The following OR10Z1 variants were observed in gnomAD, a reference collection of about 807,000 sequenced individuals.
The protein encoded by OR10Z1 is olfactory receptor 10Z1.
For missense variants in OR10Z1, 468 were observed against 371.0 expected, an observed-to-expected ratio of 1.26 and a Z score of -2.15; for synonymous variants, 187 against 151.2, an observed-to-expected ratio of 1.24 and a Z score of -1.74.
In OR10Z1 at chr1:158,612,507, C is replaced by T. The variant is rs527499010; in HGVS notation, c.*5127C>T. On this transcript the variant is annotated 3_prime_UTR_variant, in exon 2 of 2. Coordinates refer to ENST00000641002, the MANE Select transcript of OR10Z1 (RefSeq NM_001004478.2). ...GTGTCTTACTAAAGTTTGCACTCCT[C>T]ATGCCTGGAACATAGTAAGCATTCA... 6 of 379,100 alleles carry T rather than the reference C, an allele frequency of 1.6e-5. No homozygotes were observed. The highest frequency in any genetic ancestry group is 1.3e-4 in the South Asian group (6 of 45,124). 23.5% of individuals were successfully genotyped at this position (379,100 alleles called of 1,614,324 possible). A position where few individuals can be genotyped will look rare whatever the true frequency, so the allele number is the denominator to read the frequency against.
rs1243424469 is a variant in OR10Z1 at position 158,607,015 on chromosome 1, G to T, written c.577G>T (p.Gly193Cys). 1 of 1,614,032 alleles carries T rather than the reference G, an allele frequency of 6.2e-7. No homozygotes were observed. Among genetic ancestry groups the T allele is most frequent in the East Asian group, 2.2e-5 (1 of 44,868 alleles). The change falls in exon 2 of 2, where the codon GGC becomes TGC. Residue 193 changes from glycine (G) to cysteine (C), a missense_variant. Gly to Cys is a radical substitution (Grantham distance 159). Transcript: ENST00000641002. ...PVLSLACGDT[G>C]PSELRIFILS... Reference sequence around the variant, plus strand: ...GCTGAGCCTAGCCTGTGGAGATACAGGCCCGAGTGAGCTGAGGATCTTTAT... The same window carrying T: ...GCTGAGCCTAGCCTGTGGAGATACATGCCCGAGTGAGCTGAGGATCTTTAT...
At position 158,607,633 on chromosome 1, in the gene OR10Z1, C is replaced by A. The variant is rs1649094473; in HGVS notation, c.*253C>A. The A allele has an allele frequency of 2.6e-6, 1 of 387,262 alleles. No homozygotes were observed. Among genetic ancestry groups the A allele is most frequent in the Non-Finnish European group, 4.6e-6 (1 of 217,272 alleles). The allele number at this position is 387,262 out of a possible 1,614,324, so 24.0% of individuals were successfully genotyped here. ...TTAACTTTCAGCCTCCTAGATGCCA[C>A]CCCTAGTTACTGAAACCCATTGAGA... On this transcript the variant is annotated 3_prime_UTR_variant, in exon 2 of 2. Transcript: ENST00000641002.
In OR10Z1 at chr1:158,612,476, G is replaced by C. The variant is rs1274632549; in HGVS notation, c.*5096G>C. ...GTCTTCCCCACTACACCTGAATTTA[G>C]GGACTGTGTCTTACTAAAGTTTGCA... is the stretch of plus-strand genomic sequence containing the variant. On this transcript the variant is annotated 3_prime_UTR_variant, in exon 2 of 2. Coordinates refer to ENST00000641002, the MANE Select transcript of OR10Z1 (RefSeq NM_001004478.2). The C allele has an allele frequency of 3.0e-6, 1 of 335,130 alleles. No individual in the cohort carries two copies. Among genetic ancestry groups the C allele is most frequent in the Non-Finnish European group, 5.7e-6 (1 of 174,708 alleles). The allele number at this position is 335,130 out of a possible 1,614,324, so 20.8% of individuals were successfully genotyped here.
rs578123122 is a variant in OR10Z1 at position 158,607,552 on chromosome 1, G to A, written c.*172G>A. 1.9e-3 allele frequency: 1,061 copies of A among 562,472 alleles called. 7 individuals carry two copies. The highest frequency in any genetic ancestry group is 1.6e-3 in the Non-Finnish European group (516 of 320,852). The allele number at this position is 562,472 out of a possible 1,614,324, so 34.8% of individuals were successfully genotyped here. On this transcript the variant is annotated 3_prime_UTR_variant, in exon 2 of 2. Coordinates refer to ENST00000641002, the MANE Select transcript of OR10Z1 (RefSeq NM_001004478.2). ...CCCTGACTGCTTGGAATGCAGAGGC[G>A]GGGCTTCCTGCTCTGCTCACTGTGC... is the stretch of plus-strand genomic sequence containing the variant.
Position 158,606,960 on chromosome 1 carries a change from C to A in OR10Z1, c.522C>A (p.Ile174=). The part of the protein sequence containing the change: ...FHLSFCSSHE[I]QHFFCDTPPV... ...TCTCATTCTGCAGCTCCCATGAAATCCAGCACTTTTTTTGTGACACGCCAC... is the reference window on the plus strand; with the variant it reads ...TCTCATTCTGCAGCTCCCATGAAATACAGCACTTTTTTTGTGACACGCCAC... Residue 174 remains isoleucine, a synonymous_variant, in exon 2 of 2, where the codon ATC becomes ATA. Coordinates refer to ENST00000641002, the MANE Select transcript of OR10Z1 (RefSeq NM_001004478.2). The A allele has an allele frequency of 1.2e-6, 2 of 1,614,078 alleles. No homozygotes were observed. Among genetic ancestry groups the A allele is most frequent in the Non-Finnish European group, 1.7e-6 (2 of 1,179,982 alleles).
rs879208333 is a variant in OR10Z1 at position 158,611,131 on chromosome 1, G to GCGCACACACACACA, written c.*3752_*3753insGCACACACACACAC. The GCGCACACACACACA allele has an allele frequency of 1.6e-5, 11 of 671,434 alleles. No individual in the cohort carries two copies. The highest frequency in any genetic ancestry group is 5.6e-5 in the African/African-American group (3 of 53,516). The allele number at this position is 671,434 out of a possible 1,614,324, so 41.6% of individuals were successfully genotyped here. On this transcript the variant is annotated 3_prime_UTR_variant, in exon 2 of 2. Coordinates refer to ENST00000641002, the MANE Select transcript of OR10Z1 (RefSeq NM_001004478.2). ...AAATGTAATATGCACACAAACACAAGCACACACACACACACACACACACAC... is the reference window on the plus strand; with the variant it reads ...AAATGTAATATGCACACAAACACAAGCGCACACACACACACACACACACACACACACACACACAC...
rs1219363787 is a variant in OR10Z1 at position 158,610,599 on chromosome 1, G to A, written c.*3219G>A. On this transcript the variant is annotated 3_prime_UTR_variant, in exon 2 of 2. Coordinates refer to ENST00000641002, the MANE Select transcript of OR10Z1 (RefSeq NM_001004478.2). ...ATGCTGGAATTTTGTCTTTCTGAGA[G>A]TAATAACATCTACAATAATTTTGAA... is the stretch of plus-strand genomic sequence containing the variant. The A allele has an allele frequency of 1.3e-5, 2 of 151,984 alleles. No individual in the cohort carries two copies. The highest frequency in any genetic ancestry group is 2.4e-5 in the African/African-American group (1 of 41,400). The allele number at this position is 151,984 out of a possible 1,614,324, so 9.4% of individuals were successfully genotyped here. A position where few individuals can be genotyped will look rare whatever the true frequency, so the allele number is the denominator to read the frequency against.
rs1649206712 is a variant in OR10Z1 at position 158,610,853 on chromosome 1, T to TAA, written c.*3473_*3474insAA. On this transcript the variant is annotated 3_prime_UTR_variant, in exon 2 of 2. Transcript: ENST00000641002. ...GTAAAATTAGCTGCCCACTCTTATA[T>TAA]GAGTACAGTTCCCAGAAATATAGAA... 5.8e-6 allele frequency: 1 copy of TAA among 173,202 alleles called. No homozygotes were observed. Among genetic ancestry groups the TAA allele is most frequent in the Admixed American group, 5.7e-5 (1 of 17,468 alleles). The allele number at this position is 173,202 out of a possible 1,614,324, so 10.7% of individuals were successfully genotyped here.
Position 158,606,971 on chromosome 1 carries a change from T to A in OR10Z1, c.533T>A (p.Phe178Tyr). 6.2e-7 allele frequency: 1 copy of A among 1,614,080 alleles called. No individual in the cohort carries two copies. Among genetic ancestry groups the A allele is most frequent in the Non-Finnish European group, 8.5e-7 (1 of 1,179,988 alleles). ...FCSSHEIQHF[F>Y]CDTPPVLSLA... The stretch of plus-strand genomic sequence containing the variant: ...AGCTCCCATGAAATCCAGCACTTTT[T>A]TTGTGACACGCCACCTGTGCTGAGC... Residue 178 changes from phenylalanine (F) to tyrosine (Y), a missense_variant, in exon 2 of 2, where the codon TTT becomes TAT. Phe to Tyr is a conservative substitution (Grantham distance 22). Coordinates refer to ENST00000641002, the MANE Select transcript of OR10Z1 (RefSeq NM_001004478.2).
rs1649047681 is a variant in OR10Z1, at chr1:158,606,402, A to G, written c.-37A>G. On this transcript the variant is annotated 5_prime_UTR_variant, in exon 2 of 2. Coordinates refer to ENST00000641002, the MANE Select transcript of OR10Z1 (RefSeq NM_001004478.2). ...GTTAGGCATCTACTGGCAAGGTGGA[A>G]GAAATCAACAAATCTATCAGGGATA... 2 of 1,362,866 alleles carry G rather than the reference A, an allele frequency of 1.5e-6. No individual in the cohort carries two copies. The highest frequency in any genetic ancestry group is 1.3e-5 in the South Asian group (1 of 77,326). The allele number at this position is 1,362,866 out of a possible 1,614,324, so 84.4% of individuals were successfully genotyped here. A position where few individuals can be genotyped will look rare whatever the true frequency, so the allele number is the denominator to read the frequency against.
chr1:158,606,579 A>C lies in OR10Z1; in HGVS notation c.141A>C (p.Ile47=), dbSNP rs776250356. 6.2e-7 allele frequency: 1 copy of C among 1,613,972 alleles called. No individual in the cohort carries two copies. The highest frequency in any genetic ancestry group is 1.7e-5 in the Admixed American group (1 of 59,992). ...TGACCAGCAATGTCTTCATTATCAT[A>C]GCCATCAGGCTGGATAGCCATCTGC... is the stretch of plus-strand genomic sequence containing the variant. ...VTLTSNVFII[I]AIRLDSHLHT... Residue 47 remains isoleucine (I), a synonymous_variant, in exon 2 of 2, where the codon ATA becomes ATC. Coordinates refer to ENST00000641002, the MANE Select transcript of OR10Z1 (RefSeq NM_001004478.2).
intron 1 of OR10Z1, 95 bp from the exon 2 acceptor site, chr1:158,606,231 C>T: frequency 1.7e-6 from 1 of 575,018 alleles, no homozygotes; most frequent in East Asian, 2.8e-5. Flanking sequence ...TATGTACATA[C>T]AGTCATATGG....
chr1:158,606,616 T>A lies in OR10Z1; in HGVS notation c.178T>A (p.Tyr60Asn). 6.2e-7 allele frequency: 1 copy of A among 1,614,086 alleles called. No homozygotes were observed. Among genetic ancestry groups the A allele is most frequent in the Non-Finnish European group, 8.5e-7 (1 of 1,179,954 alleles). The change falls in exon 2 of 2, where the codon TAC (tyrosine) becomes AAC (asparagine). Residue 60 changes from tyrosine to asparagine, a missense_variant. Transcript: ENST00000641002. ...RLDSHLHTPM[Y>N]LFLSFLSFSE... ...GGATAGCCATCTGCACACCCCCATGTACCTCTTCCTTTCCTTCCTATCCTT... is the reference window on the plus strand; with the variant it reads ...GGATAGCCATCTGCACACCCCCATGAACCTCTTCCTTTCCTTCCTATCCTT...
rs968596611 is a variant in OR10Z1, at chr1:158,606,483, G to A, written c.45G>A (p.Leu15=). Residue 15 remains leucine (L), a synonymous_variant, in exon 2 of 2, where the codon CTG becomes CTA. Transcript: ENST00000641002. ...CCTCCTGGAGGGATTTTGTCTTCCT[G>A]GGCTTCTCCAGTTCTGGGGAGTTGC... ...NVTSWRDFVF[L]GFSSSGELQL... 1 of 1,613,774 alleles carries A rather than the reference G, an allele frequency of 6.2e-7. No homozygotes were observed. Among genetic ancestry groups the A allele is most frequent in the Non-Finnish European group, 8.5e-7 (1 of 1,179,874 alleles).
Position 158,607,129 on chromosome 1 carries a change from G to C in OR10Z1, c.691G>C (p.Ala231Pro). ...ILAAILRIPS[A>P]EGQKKAFSTC... ...GGCAGCAATACTGAGGATCCCCTCT[G>C]CTGAGGGGCAGAAGAAGGCCTTCTC... The change falls in exon 2 of 2, where the codon GCT becomes CCT. Residue 231 changes from alanine (A) to proline (P), a missense_variant. Physicochemically the swap from Ala to Pro is conservative, Grantham distance 27. Coordinates refer to ENST00000641002, the MANE Select transcript of OR10Z1 (RefSeq NM_001004478.2). The C allele has an allele frequency of 6.2e-7, 1 of 1,613,986 alleles. No homozygotes were observed. The highest frequency in any genetic ancestry group is 1.7e-4 in the Middle Eastern group (1 of 6,060).
rs779287825 is a variant in OR10Z1, at chr1:158,607,147, G to A, written c.709G>A (p.Ala237Thr). ...CCCCTCTGCTGAGGGGCAGAAGAAG[G>A]CCTTCTCCACTTGTGCCTCGCACCT... ...RIPSAEGQKKAFSTCASHLTV... is the reference protein window; with the variant it reads ...RIPSAEGQKKTFSTCASHLTV... The change falls in exon 2 of 2, where the codon GCC (alanine) becomes ACC (threonine). Residue 237 changes from alanine to threonine, a missense_variant. Transcript: ENST00000641002. The A allele has an allele frequency of 7.4e-6, 12 of 1,613,878 alleles. No homozygotes were observed. The Admixed American group carries it at 1.8e-4, about 25-fold the overall frequency.
rs1649099672 is a variant in OR10Z1, at chr1:158,607,804, C to G, written c.*424C>G. On this transcript the variant is annotated 3_prime_UTR_variant, in exon 2 of 2. Coordinates refer to ENST00000641002, the MANE Select transcript of OR10Z1 (RefSeq NM_001004478.2). ...TTTCTAAAATCATTACATAATTAGACTATTTGACCTGTAATGTTCTTCCAA... is the reference window on the plus strand; with the variant it reads ...TTTCTAAAATCATTACATAATTAGAGTATTTGACCTGTAATGTTCTTCCAA... 6.4e-6 allele frequency: 1 copy of G among 156,534 alleles called. No homozygotes were observed. Among genetic ancestry groups the G allele is most frequent in the Non-Finnish European group, 1.4e-5 (1 of 71,138 alleles). 9.7% of individuals were successfully genotyped at this position (156,534 alleles called of 1,614,324 possible).
rs12128171 is a variant in OR10Z1 at position 158,610,687 on chromosome 1, A to G, written c.*3307A>G. 38,765 of 152,532 alleles carry G rather than the reference A, an allele frequency of 0.25. 5,122 individuals are homozygous for G. Among genetic ancestry groups the G allele is most frequent in the Middle Eastern group, 0.33 (96 of 292 alleles). 9.4% of individuals were successfully genotyped at this position (152,532 alleles called of 1,614,324 possible). ...TGATCTGTGTGTTGTTTCATTGTACAAACTAAAATATTCATGTTCCCCAGA... is the reference window on the plus strand; with the variant it reads ...TGATCTGTGTGTTGTTTCATTGTACGAACTAAAATATTCATGTTCCCCAGA... On this transcript the variant is annotated 3_prime_UTR_variant, in exon 2 of 2. Transcript: ENST00000641002.
In OR10Z1 at chr1:158,607,293, T is replaced by C; in HGVS notation, c.855T>C (p.Leu285=). 1.2e-6 allele frequency: 2 copies of C among 1,613,978 alleles called. No homozygotes were observed. The highest frequency in any genetic ancestry group is 1.7e-6 in the Non-Finnish European group (2 of 1,179,878). Residue 285 remains leucine, a synonymous_variant, in exon 2 of 2, where the codon CTT becomes CTC. Coordinates refer to ENST00000641002, the MANE Select transcript of OR10Z1 (RefSeq NM_001004478.2). Reference sequence around the variant, plus strand: ...CCTATACTGTAGTGACCCCCCTCCTTAATCCCATTGTTTATAGTCTAAGGA... The same window carrying C: ...CCTATACTGTAGTGACCCCCCTCCTCAATCCCATTGTTTATAGTCTAAGGA... ...AMTYTVVTPL[L]NPIVYSLRNR...
Sources: gnomAD v4.1 joint callset for allele counts on GRCh38, gnomAD v4.1.1 for gene constraint, MANE v1.5 for transcripts, NCBI Gene and HGNC (gene_info 2026-07-23, HGNC 2026-07-21) for gene names.